XKR6: variants seen among roughly 807,000 people sequenced by gnomAD.
XKR6 encodes XK related 6, also known as XK-related protein 6.
Under a neutral mutation model 56.7 loss-of-function variants are expected in XKR6, and 22 were observed. The observed-to-expected ratio is 0.39, with a 90% confidence interval of 0.28 to 0.55. The LOEUF (loss-of-function observed/expected upper bound fraction) is 0.55, where lower values mean the gene tolerates loss of function less well. Among genes scored for constraint, XKR6 ranks in the 20% least tolerant of loss-of-function variants. XKR6 has a pLI of 0.66. For missense variants in XKR6, 852 were observed against 889.0 expected (o/e 0.96, Z 0.53); for synonymous variants, 524 against 387.8 (o/e 1.35, Z -4.13).
At chr8:11,078,166 T>C (rs189618844) in intron 1 of XKR6, among the ~76,000 whole-genome samples, 2 of 152,302 alleles carry the variant, frequency 1.3e-5, no homozygotes, top group East Asian at 1.9e-4. Flanking sequence ...GACCTATTTT[T>C]AAAATTTCAT....
intron 1 of XKR6, among the ~76,000 whole-genome samples, chr8:11,123,058 G>A (rs995619594): frequency 6.6e-6 from 1 of 152,072 alleles, no homozygotes; most frequent in Admixed American, 6.6e-5. Flanking sequence ...CCAACATGGT[G>A]AAACCTCGTC....
At position 11,200,690 on chromosome 8, in the gene XKR6, C is replaced by T; in HGVS notation, c.650G>A (p.Arg217His). Residue 217 changes from arginine to histidine, a missense_variant, in exon 1 of 3, where the codon CGC (arginine) becomes CAC (histidine). Coordinates refer to ENST00000416569, the MANE Select transcript of XKR6 (RefSeq NM_173683.4). The surrounding 1 kb of genome is among the most constrained non-coding windows in gnomAD (Gnocchi z 6.4). ...GGAGACCCTCACGCCTGGGCCACCG[C>T]GGGCCGCGCCGTGGACGTAGCCGGC... is the stretch of plus-strand genomic sequence containing the variant. ...MGAGYVHGAA[R>H]GGPGVRVSPT... 4 of 1,569,146 alleles carry T rather than the reference C, an allele frequency of 2.5e-6. No individual in the cohort carries two copies. Among genetic ancestry groups the T allele is most frequent in the Non-Finnish European group, 3.4e-6 (4 of 1,166,222 alleles).
At chr8:11,173,837 T>C (rs1486833953) in intron 1 of XKR6, among the ~76,000 whole-genome samples, 1 of 151,998 alleles carries the variant, frequency 6.6e-6, no homozygotes, top group East Asian at 1.9e-4. Context: ...CACCCACAAG[T>C]CACTACTAGA....
chr8:10,900,079 C>T (rs1160890981), intron 2 of XKR6, among the ~76,000 whole-genome samples: 1 of 152,118 alleles, frequency 6.6e-6, no homozygotes, highest in Non-Finnish European at 1.5e-5. Context: ...CCCAAAATTT[C>T]ACAACTAAAT....
intron 1 of XKR6, among the ~76,000 whole-genome samples, chr8:10,931,193 G>A (rs999834549): frequency 2.0e-4 from 31 of 152,230 alleles, no homozygotes; most frequent in South Asian, 8.3e-4. Context: ...AATTAGCTCC[G>A]AAAATGAAAT....
At chr8:11,063,302 T>G (rs1799887196) in intron 1 of XKR6, among the ~76,000 whole-genome samples, 1 of 150,320 alleles carries the variant, frequency 6.7e-6, no homozygotes, top group South Asian at 2.1e-4. Context: ...TAAAAAAATG[T>G]AAAGAAAGAA....
chr8:10,928,567 C>T (rs989656162), intron 1 of XKR6, among the ~76,000 whole-genome samples: 9 of 152,242 alleles, frequency 5.9e-5, no homozygotes, highest in African/African-American at 2.2e-4. Context: ...CCTGCAGAGT[C>T]TCCCATCCCC....
At chr8:11,191,053 T>C (rs542604325) in intron 1 of XKR6, among the ~76,000 whole-genome samples, 1 of 152,304 alleles carries the variant, frequency 6.6e-6, no homozygotes, top group South Asian at 2.1e-4. Flanking sequence ...CTCCAACAAC[T>C]AAACTAGGAC....
At chr8:11,114,884 T>C (rs1393148678) in intron 1 of XKR6, among the ~76,000 whole-genome samples, 1 of 152,082 alleles carries the variant, frequency 6.6e-6, no homozygotes, top group Admixed American at 6.5e-5. Context: ...GCAGTACTCG[T>C]ACAACATGAA....
At chr8:11,195,065 T>C (rs1410746894) in intron 1 of XKR6, 6 of 694,474 alleles carry the variant, frequency 8.6e-6, no homozygotes, top group African/African-American at 1.8e-5. Context: ...GGAGGAAGTA[T>C]CTCTGTCTCA....
At chr8:10,948,200 G>C (rs1801609294) in intron 1 of XKR6, among the ~76,000 whole-genome samples, 1 of 152,176 alleles carries the variant, frequency 6.6e-6, no homozygotes, top group Non-Finnish European at 1.5e-5. Flanking sequence ...CTTCAGAGAG[G>C]TTTGGAAGCT....
chr8:11,138,428 G>A (rs1800515543), intron 1 of XKR6: 1 of 152,216 alleles, frequency 6.6e-6, no homozygotes, highest in Non-Finnish European at 1.5e-5. Flanking sequence ...ATAGCATACT[G>A]TAGGTACCCA....
chr8:11,116,498 G>C (rs1799181722), intron 1 of XKR6, among the ~76,000 whole-genome samples: 1 of 152,080 alleles, frequency 6.6e-6, no homozygotes, highest in African/African-American at 2.4e-5. Context: ...AGCCTCCTGA[G>C]TACCTGGGAT....
chr8:11,060,503 T>C (rs1799803715), intron 1 of XKR6, among the ~76,000 whole-genome samples: 2 of 152,240 alleles, frequency 1.3e-5, no homozygotes, highest in South Asian at 4.1e-4. Flanking sequence ...TGGGAGACCC[T>C]GACCTGATCC....
intron 1 of XKR6, among the ~76,000 whole-genome samples, chr8:11,120,884 A>AT (rs1799418471): frequency 6.6e-6 from 1 of 152,198 alleles, no homozygotes; most frequent in South Asian, 2.1e-4. Flanking sequence ...ATAATGCCGC[A>AT]TATCTACAAC....
At chr8:11,183,572 C>T (rs191920110) in intron 1 of XKR6, among the ~76,000 whole-genome samples, 1 of 152,220 alleles carries the variant, frequency 6.6e-6, no homozygotes, top group East Asian at 1.9e-4. Flanking sequence ...ATCCTCCCAC[C>T]TCAGCATCCC....
intron 1 of XKR6, among the ~76,000 whole-genome samples, chr8:11,048,331 G>C (rs1248776896): frequency 6.6e-6 from 1 of 152,166 alleles, no homozygotes; most frequent in African/African-American, 2.4e-5. Flanking sequence ...CAGGAAGGAA[G>C]TTCAGGTCTT....
chr8:11,068,190 G>A (rs961264213), intron 1 of XKR6, among the ~76,000 whole-genome samples: 1 of 152,160 alleles, frequency 6.6e-6, no homozygotes, highest in African/African-American at 2.4e-5. Flanking sequence ...GGCTGTCCTC[G>A]CCCTCCCAGG....
chr8:10,962,361 A>G (rs942426023), intron 1 of XKR6, among the ~76,000 whole-genome samples: 2 of 152,178 alleles, frequency 1.3e-5, no homozygotes, highest in African/African-American at 4.8e-5. Context: ...CCCATTTGCC[A>G]TGCTGGGCTG....
Sources: gnomAD v4.1 joint callset for allele counts (sites outside exome capture counted in the v4.1 genomes callset) on GRCh38, gnomAD v4.1.1 for gene constraint, Gnocchi (gnomAD v3.1) non-coding constraint, MANE v1.5 for transcripts, NCBI Gene and HGNC (gene_info 2026-07-23, HGNC 2026-07-21) for gene names.